The following GCN1 variants were observed in gnomAD, a reference collection of about 807,000 sequenced individuals.
GCN1 encodes stalled ribosome sensor GCN1.
A neutral mutation model predicts 288.4 loss-of-function variants in GCN1; 90 were observed. That is an observed-to-expected ratio of 0.31 (90% CI 0.26 to 0.37). The LOEUF is 0.37. Ranked by LOEUF, GCN1 falls within the 10% of genes least tolerant of loss-of-function variation. The pLI, the probability that GCN1 is intolerant of heterozygous loss-of-function variation, is 1.00. For synonymous variants in GCN1, 1,386 were observed against 1,420.2 expected, an observed-to-expected ratio of 0.98 and a Z score of 0.54; for missense variants, 2,586 against 3,419.9, an observed-to-expected ratio of 0.76 and a Z score of 6.08.
chr12:120,157,419 T>G (rs1877784593), intron 26 of GCN1, among the ~76,000 whole-genome samples: 1 of 152,206 alleles, frequency 6.6e-6, no homozygotes, highest in African/African-American at 2.4e-5. Context: ...TAATTCCATG[T>G]CCAATGAACC....
At chr12:120,143,381 G>A (rs1481442414) in intron 42 of GCN1, among the ~76,000 whole-genome samples, 1 of 152,038 alleles carries the variant, frequency 6.6e-6, no homozygotes, top group East Asian at 1.9e-4. Flanking sequence ...TCGGGGGTTC[G>A]AGACCAGCCT....
chr12:120,140,328 A>G (rs1312915365), intron 45 of GCN1, among the ~76,000 whole-genome samples: 1 of 152,166 alleles, frequency 6.6e-6, no homozygotes, highest in East Asian at 1.9e-4. Context: ...GAACCAAGTA[A>G]GAGTAATGGA....
chr12:120,127,781 T>C lies in GCN1; in HGVS notation c.*68A>G. The C allele has an allele frequency of 1.9e-6, 3 of 1,554,386 alleles. No homozygotes were observed. The highest frequency in any genetic ancestry group is 2.6e-6 in the Non-Finnish European group (3 of 1,133,366). ...CTTCCAAGCTCCCCATTGGAACAAA[T>C]GTATTTTCAAAAATGAAAACATTGA... On this transcript the variant is annotated 3_prime_UTR_variant, in exon 58 of 58. Coordinates refer to ENST00000300648, the MANE Select transcript of GCN1 (RefSeq NM_006836.2).
In GCN1 at chr12:120,138,873, C is replaced by A; in HGVS notation, c.5995-17G>T. ...ATACAGCACCTGCAATGGCAAGCTA[C>A]AACTGTACCAGATGCAGGAAAGGCA... On this transcript the variant is annotated splice_polypyrimidine_tract_variant and intron_variant, in intron 45 of 57. Transcript: ENST00000300648. 1.3e-6 allele frequency: 2 copies of A among 1,594,806 alleles called. No homozygotes were observed. Among genetic ancestry groups the A allele is most frequent in the South Asian group, 1.1e-5 (1 of 89,714 alleles).
At chr12:120,177,902 A>G (rs1017214057) in intron 7 of GCN1, 150 bp from the exon 8 acceptor site, 2 of 663,148 alleles carry the variant, frequency 3.0e-6, no homozygotes, top group East Asian at 2.6e-5. Flanking sequence ...TGATCACGCA[A>G]CCCCACTTAA....
At chr12:120,132,214 A>G (rs1353029605) in intron 53 of GCN1, among the ~76,000 whole-genome samples, 192 bp from the exon 54 acceptor site, 3 of 152,234 alleles carry the variant, frequency 2.0e-5, no homozygotes, top group Non-Finnish European at 2.9e-5. Flanking sequence ...ACTGGTATGG[A>G]GTTAAACATT....
At chr12:120,166,769 T>C (rs575556142) in intron 16 of GCN1, among the ~76,000 whole-genome samples, 60 of 150,088 alleles carry the variant, frequency 4.0e-4, no homozygotes, top group African/African-American at 1.4e-3. Flanking sequence ...CCAACACTTT[T>C]GGAGGCTGAG....
Position 120,161,523 on chromosome 12 carries a change from G to A in GCN1, c.2403C>T (p.Phe801=), listed in dbSNP as rs1166104351. The change falls in exon 22 of 58, where the codon TTC becomes TTT. Residue 801 remains phenylalanine (F), a synonymous_variant. Coordinates refer to ENST00000300648, the MANE Select transcript of GCN1 (RefSeq NM_006836.2). ...GCTCCAGCTCGATGATCTGCTCTTT[G>A]AAGGAATAAGCTTTGTTCTCTCGCT... is the stretch of plus-strand genomic sequence containing the variant. The part of the protein sequence containing the change: ...NMKRENKAYS[F]KEQIIELELK... 1.2e-6 allele frequency: 2 copies of A among 1,613,834 alleles called. No individual in the cohort carries two copies. The highest frequency in any genetic ancestry group is 2.2e-5 in the East Asian group (1 of 44,876).
At chr12:120,177,995 C>T (rs997432747) in intron 7 of GCN1, among the ~76,000 whole-genome samples, 13 of 152,122 alleles carry the variant, frequency 8.5e-5, no homozygotes, top group African/African-American at 2.4e-5. Flanking sequence ...CACCACTCAG[C>T]TGGCTGCGTC....
At chr12:120,131,376 C>T in intron 54 of GCN1, 43 bp from the exon 55 acceptor site, 10 of 1,603,184 alleles carry the variant, frequency 6.2e-6, no homozygotes, top group Non-Finnish European at 8.5e-6. Flanking sequence ...TATTTTACAG[C>T]ATGTCCCCAG....
intron 46 of GCN1, 44 bp from the exon 47 acceptor site, chr12:120,138,459 G>T: frequency 3.1e-6 from 4 of 1,276,626 alleles, no homozygotes; most frequent in Non-Finnish European, 3.4e-6. Context: ...CTGCATCTCT[G>T]CTGTCTCAAC....
Position 120,190,409 on chromosome 12 carries a change from G to A in GCN1, c.19-9C>T, listed in dbSNP as rs181243595. ...TTTAGTGTCTCGGAAACCTGTGAAGGCCAAGCAACAGAAAAATTCACTAGT... is the reference window on the plus strand; with the variant it reads ...TTTAGTGTCTCGGAAACCTGTGAAGACCAAGCAACAGAAAAATTCACTAGT... On this transcript the variant is annotated splice_polypyrimidine_tract_variant and intron_variant, in intron 1 of 57. Transcript: ENST00000300648. 102 of 1,461,390 alleles carry A rather than the reference G, an allele frequency of 7.0e-5. 1 individual carries two copies. In the African/African-American group the frequency reaches 1.2e-3, roughly 18 times the overall value. The allele number at this position is 1,461,390 out of a possible 1,614,324, so 90.5% of individuals were successfully genotyped here.
chr12:120,181,935 T>C (rs2139138670), intron 5 of GCN1, among the ~76,000 whole-genome samples: 1 of 149,080 alleles, frequency 6.7e-6, no homozygotes, highest in East Asian at 2.0e-4. Flanking sequence ...TCACCTGAGG[T>C]CAGGAGTTTG....
At position 120,142,418 on chromosome 12, in the gene GCN1, TAC is replaced by T. The variant is rs1446585548; in HGVS notation, c.5829+87_5829+88del. 6 of 866,512 alleles carry T rather than the reference TAC, an allele frequency of 6.9e-6. No individual in the cohort carries two copies. The highest frequency in any genetic ancestry group is 9.8e-6 in the Non-Finnish European group (5 of 511,622). 53.7% of individuals were successfully genotyped at this position (866,512 alleles called of 1,614,324 possible). ...CCCTCTGTTAGGCAGGGTGGATGGG[TAC>T]TTTCCCAGGCTCTGCAGACCCAGCC... is the stretch of plus-strand genomic sequence containing the variant. On this transcript the variant is annotated intron_variant, in intron 44 of 57. Transcript: ENST00000300648. The surrounding 1 kb of genome is among the most constrained non-coding windows in gnomAD (Gnocchi z 4.9).
At chr12:120,152,683 T>A (rs987574035) in intron 33 of GCN1, among the ~76,000 whole-genome samples, 1 of 141,772 alleles carries the variant, frequency 7.1e-6, no homozygotes, top group Non-Finnish European at 1.5e-5. Context: ...TAAATATATA[T>A]ATATTTATAT....
At chr12:120,164,835 T>C (rs1333393826) in intron 16 of GCN1, 114 bp from the exon 17 acceptor site, 1 of 635,708 alleles carries the variant, frequency 1.6e-6, no homozygotes, top group East Asian at 2.8e-5. Context: ...AATATAAATG[T>C]GATTATCACT....
At chr12:120,191,115 G>A (rs1359667212) in intron 1 of GCN1, among the ~76,000 whole-genome samples, 1 of 152,138 alleles carries the variant, frequency 6.6e-6, no homozygotes, top group Non-Finnish European at 1.5e-5. Flanking sequence ...CAAGCAAAAA[G>A]TTGGCTACTA....
In GCN1 at chr12:120,142,638, C is replaced by A; in HGVS notation, c.5698G>T (p.Val1900Leu). The A allele has an allele frequency of 6.2e-7, 1 of 1,614,060 alleles. No individual in the cohort carries two copies. Among genetic ancestry groups the A allele is most frequent in the Non-Finnish European group, 8.5e-7 (1 of 1,180,018 alleles). ...CAGACATGCAGGGACGCCTGCCGCACCACCAGCTGGGTGTCTGAGCGGCCC... is the reference window on the plus strand; with the variant it reads ...CAGACATGCAGGGACGCCTGCCGCAACACCAGCTGGGTGTCTGAGCGGCCC... ...YMGRSDTQLVVRQASLHVWKI... is the reference protein window; with the variant it reads ...YMGRSDTQLVLRQASLHVWKI... The change falls in exon 44 of 58, where the codon GTG (valine) becomes TTG (leucine). Residue 1900 changes from valine (V) to leucine (L), a missense_variant. This residue lies in a region of GCN1 where 437 missense variants were observed against 570.5 expected (regional missense o/e 0.77). Transcript: ENST00000300648. This position sits in a 1 kb window ranked among gnomAD's most constrained non-coding sequence, Gnocchi z 4.9.
At position 120,153,812 on chromosome 12, in the gene GCN1, C is replaced by T; in HGVS notation, c.3799G>A (p.Asp1267Asn). 1 of 1,614,052 alleles carries T rather than the reference C, an allele frequency of 6.2e-7. No homozygotes were observed. The highest frequency in any genetic ancestry group is 8.5e-7 in the Non-Finnish European group (1 of 1,179,914). ...FQFFVPDALN[D>N]RHPDVRKCML... ...CACTTCCGGACATCTGGGTGTCGGT[C>T]ATTGAGGGCATCAGGGACAAAAAAC... The change falls in exon 32 of 58, where the codon GAC (aspartate) becomes AAC (asparagine). Residue 1267 changes from aspartate (D) to asparagine (N), a missense_variant. By Grantham distance (23) the Asp-to-Asn change is conservative. Transcript: ENST00000300648. The surrounding 1 kb of genome is among the most constrained non-coding windows in gnomAD (Gnocchi z 4.4).
Sources: allele counts gnomAD v4.1 joint callset (sites outside exome capture counted in the v4.1 genomes callset), GRCh38; gene constraint gnomAD v4.1.1; regional missense constraint gnomAD v4.1.1; non-coding constraint Gnocchi (gnomAD v3.1); transcripts MANE v1.5; gene names NCBI Gene and HGNC (gene_info 2026-07-23, HGNC 2026-07-21).